The following C12orf42 variants were observed in gnomAD, a reference collection of about 807,000 sequenced individuals.
C12orf42 encodes the protein uncharacterized protein C12orf42.
C12orf42 carries 25 observed loss-of-function variants against 21.6 expected under a neutral mutation model. The ratio of observed to expected loss-of-function variants is 1.16; its 90% CI spans 0.84 to 1.62. C12orf42 has a LOEUF of 1.62. Among genes scored for constraint, C12orf42 ranks in the 40% most tolerant of loss-of-function variants. The probability of loss-of-function intolerance (pLI) is 0.00; values close to 1 mark genes in which losing one functional copy is unlikely to be tolerated. For missense variants in C12orf42, 483 were observed against 459.3 expected (o/e 1.05, Z -0.47); for synonymous variants, 174 against 175.0 (o/e 0.99, Z 0.05).
intron 2 of C12orf42, among the ~76,000 whole-genome samples, chr12:103,440,631 G>A (rs1333729131): frequency 2.0e-5 from 3 of 151,980 alleles, no homozygotes; most frequent in African/African-American, 7.2e-5. Context: ...TGAGATATGT[G>A]CTTTTAGACC....
At chr12:103,324,795 G>GA (rs1190427862) in intron 4 of C12orf42, among the ~76,000 whole-genome samples, 1 of 152,162 alleles carries the variant, frequency 6.6e-6, no homozygotes, top group African/African-American at 2.4e-5. Context: ...TTATTTGGAA[G>GA]AAAAAACTGC....
chr12:103,065,464 G>T, the C12orf42 span, among the ~76,000 whole-genome samples: 374 of 152,280 alleles, frequency 2.5e-3, 2 homozygotes, highest in African/African-American at 8.1e-3. Flanking sequence ...TCCTACCTCA[G>T]GGGTATATCA....
At chr12:103,317,395 C>T (rs1441065800) in intron 4 of C12orf42, among the ~76,000 whole-genome samples, 1 of 152,214 alleles carries the variant, frequency 6.6e-6, no homozygotes, top group Non-Finnish European at 1.5e-5. Flanking sequence ...CAGGATACCG[C>T]CTCTTCCCCA....
intron 2 of C12orf42, among the ~76,000 whole-genome samples, chr12:103,431,688 A>T (rs2139343860): frequency 6.6e-6 from 1 of 152,354 alleles, no homozygotes; most frequent in Admixed American, 6.5e-5. Context: ...CTGTATCATT[A>T]TTCTGTCATT....
the C12orf42 span, among the ~76,000 whole-genome samples, chr12:103,118,166 A>G: frequency 2.6e-5 from 4 of 152,306 alleles, no homozygotes; most frequent in East Asian, 7.7e-4. Context: ...ATGATCCTGT[A>G]TGTGCCTGCC....
At chr12:103,332,570 G>C (rs775448118) in intron 4 of C12orf42, among the ~76,000 whole-genome samples, 3 of 152,176 alleles carry the variant, frequency 2.0e-5, no homozygotes, top group African/African-American at 7.2e-5. Flanking sequence ...AAATATTTTG[G>C]TTATGAGCTT....
the C12orf42 span, among the ~76,000 whole-genome samples, chr12:103,506,862 A>G: frequency 1.2e-5 from 1 of 86,414 alleles, no homozygotes; most frequent in Non-Finnish European, 2.0e-5. Context: ...TATATATTAT[A>G]TATATATATT....
the C12orf42 span, among the ~76,000 whole-genome samples, chr12:103,089,101 C>CAAA: frequency 0.36 from 19,743 of 54,686 alleles, 4,265 homozygotes; most frequent in East Asian, 0.52. Context: ...GACTCCATCT[C>CAAA]AAAAAAAAAA....
At chr12:103,271,148 G>C (rs1373147730) in intron 5 of C12orf42, among the ~76,000 whole-genome samples, 2 of 152,142 alleles carry the variant, frequency 1.3e-5, no homozygotes, top group African/African-American at 4.8e-5. Flanking sequence ...CCCCTGTAAA[G>C]TGGGGCATGG....
chr12:103,276,035 C>T (rs11829112), intron 5 of C12orf42, among the ~76,000 whole-genome samples: 32 of 152,138 alleles, frequency 2.1e-4, no homozygotes, highest in African/African-American at 6.5e-4. Context: ...ATCATGCCTC[C>T]GCACTCCAGC....
In C12orf42 at chr12:103,302,418, G is replaced by A; in HGVS notation, c.773C>T (p.Pro258Leu). 2 of 1,613,926 alleles carry A rather than the reference G, an allele frequency of 1.2e-6. No homozygotes were observed. Among genetic ancestry groups the A allele is most frequent in the Non-Finnish European group, 1.7e-6 (2 of 1,179,884 alleles). Residue 258 changes from proline to leucine, a missense_variant, in exon 6 of 6, where the codon CCC (proline) becomes CTC (leucine). Transcript: ENST00000548883. ...MAVPAGAQAH[P>L]DDIQSRLLGA... ...CAGGAGTCTGCTTTGGATGTCGTCG[G>A]GGTGTGCCTGAGCGCCTGCTGGGAC...
At chr12:103,123,417 C>A in the C12orf42 span, among the ~76,000 whole-genome samples, 1 of 151,938 alleles carries the variant, frequency 6.6e-6, no homozygotes, top group Non-Finnish European at 1.5e-5. Flanking sequence ...CATGGTTGTC[C>A]CCACTTTGGG....
intron 2 of C12orf42, chr12:103,472,047 A>ATTTTTTTTTTTTT (rs33994886): frequency 2.4e-5 from 2 of 84,356 alleles, no homozygotes; most frequent in African/African-American, 4.8e-5. Flanking sequence ...ATACAACTCA[A>ATTTTTTTTTTTTT]TTTTTTTTTT....
At chr12:103,120,470 C>T in the C12orf42 span, among the ~76,000 whole-genome samples, 5 of 152,100 alleles carry the variant, frequency 3.3e-5, no homozygotes, top group Non-Finnish European at 7.4e-5. Context: ...TGATCAAGAG[C>T]ATGCTAGAGG....
chr12:103,437,874 G>C (rs1950868642), intron 2 of C12orf42, among the ~76,000 whole-genome samples: 1 of 141,470 alleles, frequency 7.1e-6, no homozygotes, highest in Non-Finnish European at 1.5e-5. Flanking sequence ...CCAATCAATA[G>C]AAAAAGAGGG....
intron 2 of C12orf42, among the ~76,000 whole-genome samples, chr12:103,462,593 C>A (rs1008444061): frequency 6.6e-6 from 1 of 152,086 alleles, no homozygotes; most frequent in Non-Finnish European, 1.5e-5. Flanking sequence ...AAGACTAAAT[C>A]TATAGTAAAG....
rs940095831 is a variant in C12orf42 at position 103,306,005 on chromosome 12, G to A, written c.600C>T (p.Gly200=). 32 of 1,611,140 alleles carry A rather than the reference G, an allele frequency of 2.0e-5. No individual in the cohort carries two copies. Among genetic ancestry groups the A allele is most frequent in the Non-Finnish European group, 2.5e-5 (29 of 1,177,566 alleles). The part of the protein sequence containing the change: ...IHISRHTRPK[G]QPLSSPKKNS... ...TTTTCTTGGGACTGCTCAAGGGCTG[G>A]CCCTTAGGTCTTGTGTGTCTACTGA... Residue 200 remains glycine, a synonymous_variant, in exon 5 of 6, where the codon GGC becomes GGT. Coordinates refer to ENST00000548883, the MANE Select transcript of C12orf42 (RefSeq NM_198521.5).
the C12orf42 span, among the ~76,000 whole-genome samples, chr12:103,063,984 A>G: frequency 1.3e-5 from 2 of 152,162 alleles, no homozygotes; most frequent in Non-Finnish European, 2.9e-5. Context: ...TTGCTTGGTT[A>G]GCTGAAATAT....
chr12:103,539,424 T>G, the C12orf42 span, among the ~76,000 whole-genome samples: 1 of 152,140 alleles, frequency 6.6e-6, no homozygotes, highest in African/African-American at 2.4e-5. Context: ...ACTTGAATAC[T>G]GACAAGCTAC....
Sources: allele counts gnomAD v4.1 joint callset (sites outside exome capture counted in the v4.1 genomes callset), GRCh38; gene constraint gnomAD v4.1.1; transcripts MANE v1.5; gene names NCBI Gene and HGNC (gene_info 2026-07-23, HGNC 2026-07-21).